The following PLPPR1 variants were observed in gnomAD, a reference collection of about 807,000 sequenced individuals.
PLPPR1 encodes the protein phospholipid phosphatase-related protein type 1.
Under a neutral mutation model 33.1 loss-of-function variants are expected in PLPPR1, and 10 were observed. The observed-to-expected ratio is 0.30, with a 90% CI of 0.19 to 0.51. PLPPR1 has a LOEUF of 0.51. Ranked by LOEUF, PLPPR1 falls within the 20% of genes least tolerant of loss-of-function variation. The pLI, the probability that PLPPR1 is intolerant of heterozygous loss-of-function variation, is 0.97. For missense variants in PLPPR1, 304 were observed against 408.1 expected, an observed-to-expected ratio of 0.74 and a Z score of 2.20; for synonymous variants, 151 against 151.0, an observed-to-expected ratio of 1.00 and a Z score of 0.00.
intron 2 of PLPPR1, among the ~76,000 whole-genome samples, chr9:101,233,162 A>T (rs1366506219): frequency 6.6e-6 from 1 of 152,080 alleles, no homozygotes; most frequent in Non-Finnish European, 1.5e-5. Context: ...ACTGCTACTC[A>T]ACATATATTT....
At chr9:101,081,129 C>G (rs748193816) in intron 1 of PLPPR1, among the ~76,000 whole-genome samples, 9 of 152,130 alleles carry the variant, frequency 5.9e-5, no homozygotes, top group African/African-American at 1.2e-4. Context: ...TCCCATTTTC[C>G]TTTGTGAGTT....
intron 1 of PLPPR1, among the ~76,000 whole-genome samples, chr9:101,079,912 T>TTTC (rs1257836736): frequency 2.0e-5 from 3 of 152,190 alleles, no homozygotes; most frequent in African/African-American, 7.2e-5. Context: ...GCCTATTTTT[T>TTTC]TCTCATTCTG....
Position 101,169,880 on chromosome 9 carries a change from G to A in PLPPR1, c.-45-15570G>A, listed in dbSNP as rs535651392. Among the ~76,000 whole-genome samples, 6 of 151,288 alleles carry A rather than the reference G, an allele frequency of 4.0e-5. No homozygotes were observed. The South Asian group carries it at 1.3e-3, about 32-fold the overall frequency. On this transcript the variant is annotated intron_variant, in intron 1 of 7. Transcript: ENST00000374874. ...TACTTTATTTTTCACTATTCTTTGG[G>A]TCCAAGGTAGAGTGAGTTCTATCTA...
chr9:101,300,069 T>C (rs1033839251), intron 4 of PLPPR1, among the ~76,000 whole-genome samples: 1 of 149,606 alleles, frequency 6.7e-6, no homozygotes, highest in African/African-American at 2.5e-5. Flanking sequence ...AAAATATTCA[T>C]ATAACAAAAC....
chr9:101,260,163 G>T (rs1010173035), intron 2 of PLPPR1, among the ~76,000 whole-genome samples: 1 of 152,070 alleles, frequency 6.6e-6, no homozygotes, highest in African/African-American at 2.4e-5. Context: ...CTATTCATGA[G>T]ACTGGGACCC....
chr9:101,198,224 T>C (rs1826433405), intron 2 of PLPPR1, among the ~76,000 whole-genome samples: 1 of 152,164 alleles, frequency 6.6e-6, no homozygotes, highest in African/African-American at 2.4e-5. Context: ...GTAAACAATC[T>C]GTGCCCTACT....
intron 1 of PLPPR1, among the ~76,000 whole-genome samples, chr9:101,096,346 G>T (rs1395229841): frequency 6.6e-6 from 1 of 152,188 alleles, no homozygotes; most frequent in East Asian, 1.9e-4. Context: ...AGCATGGATT[G>T]GTTAGCAATG....
At chr9:101,089,329 ATAG>A (rs1489577188) in intron 1 of PLPPR1, among the ~76,000 whole-genome samples, 1 of 149,776 alleles carries the variant, frequency 6.7e-6, no homozygotes, top group African/African-American at 2.5e-5. Flanking sequence ...AGATAGATAG[ATAG>A]TAGTTAATTG....
At chr9:101,229,405 A>G (rs1827137837) in intron 2 of PLPPR1, among the ~76,000 whole-genome samples, 1 of 147,706 alleles carries the variant, frequency 6.8e-6, no homozygotes. Flanking sequence ...TGAGAAATTC[A>G]CACTTTATTT....
intron 2 of PLPPR1, among the ~76,000 whole-genome samples, chr9:101,261,695 C>T (rs144989378): frequency 1.3e-4 from 20 of 152,132 alleles, no homozygotes; most frequent in East Asian, 9.7e-4. Flanking sequence ...TGTCCTTCGC[C>T]GGAACATGGA....
At position 101,053,286 on chromosome 9, in the gene PLPPR1, C is replaced by T. The variant is rs140899077; in HGVS notation, c.-46+24184C>T. The stretch of plus-strand genomic sequence containing the variant: ...TCCCGCTCACTTCCTTTCTTAATGT[C>T]GTCAAGCCCTCCATTACTTTACCTC... On this transcript the variant is annotated intron_variant, in intron 1 of 7. Transcript: ENST00000374874. 4.4e-3 allele frequency among the ~76,000 whole-genome samples: 675 copies of T among 152,260 alleles called. 10 individuals carry two copies. The highest frequency in any genetic ancestry group is 0.015 in the African/African-American group (614 of 41,546).
intron 3 of PLPPR1, among the ~76,000 whole-genome samples, chr9:101,285,504 T>A (rs1167171392): frequency 2.6e-5 from 4 of 152,324 alleles, no homozygotes. Context: ...AGTAATGCAG[T>A]TGAGTAAAGT....
At chr9:101,283,929 G>C (rs765783263) in intron 3 of PLPPR1, among the ~76,000 whole-genome samples, 10 of 152,026 alleles carry the variant, frequency 6.6e-5, no homozygotes, top group Non-Finnish European at 8.8e-5. Context: ...ACCACATTGA[G>C]ATATAATCTC....
chr9:101,047,860 C>G (rs1490445634), intron 1 of PLPPR1, among the ~76,000 whole-genome samples: 1 of 152,150 alleles, frequency 6.6e-6, no homozygotes, highest in Non-Finnish European at 1.5e-5. Context: ...GTTTTCTACC[C>G]TTTTGATTAC....
rs143389723 is a variant in PLPPR1 at position 101,233,273 on chromosome 9, C to T, written c.64-36607C>T. Among the ~76,000 whole-genome samples the T allele has an allele frequency of 4.1e-4, 63 of 152,044 alleles. 1 individual carries two copies. Among genetic ancestry groups the T allele is most frequent in the Non-Finnish European group, 5.9e-5 (4 of 67,910 alleles). ...TGGAGGTAGGTGTGTGATTTTAGGGCCATTCTTCATTTACTTCTGAAAGTG... is the reference window on the plus strand; with the variant it reads ...TGGAGGTAGGTGTGTGATTTTAGGGTCATTCTTCATTTACTTCTGAAAGTG... On this transcript the variant is annotated intron_variant, in intron 2 of 7. Coordinates refer to ENST00000374874, the MANE Select transcript of PLPPR1 (RefSeq NM_207299.2).
At chr9:101,029,782 G>A (rs1829919174) in intron 1 of PLPPR1, among the ~76,000 whole-genome samples, 2 of 152,274 alleles carry the variant, frequency 1.3e-5, no homozygotes, top group South Asian at 4.2e-4. Flanking sequence ...TAGAACGGAG[G>A]ACGCTAGGAT....
At chr9:101,275,849 T>C (rs1828181924) in intron 3 of PLPPR1, among the ~76,000 whole-genome samples, 1 of 152,228 alleles carries the variant, frequency 6.6e-6, no homozygotes, top group South Asian at 2.1e-4. Flanking sequence ...ACATTTTGTA[T>C]GCAAGTGTGC....
At position 101,315,621 on chromosome 9, in the gene PLPPR1, G is replaced by A. The variant is rs535467677; in HGVS notation, c.814-1744G>A. 3.3e-5 allele frequency among the ~76,000 whole-genome samples: 5 copies of A among 152,270 alleles called. No homozygotes were observed. The East Asian group carries it at 7.7e-4, about 24-fold the overall frequency. ...GACTTCCCAATTGATGTCAAAATTT[G>A]TTTGCCTACAAATGGCCTTTACGTA... On this transcript the variant is annotated intron_variant, in intron 6 of 7. Transcript: ENST00000374874.
chr9:101,034,224 A>G (rs1010638012), intron 1 of PLPPR1, among the ~76,000 whole-genome samples: 1 of 152,116 alleles, frequency 6.6e-6, no homozygotes, highest in Admixed American at 6.6e-5. Context: ...GGAAATGAGA[A>G]CAGGAGAGGA....
Sources: gnomAD v4.1 joint callset for allele counts (sites outside exome capture counted in the v4.1 genomes callset) on GRCh38, gnomAD v4.1.1 for gene constraint, MANE v1.5 for transcripts, NCBI Gene and HGNC (gene_info 2026-07-23, HGNC 2026-07-21) for gene names.